ELFN2: variants seen among roughly 807,000 people sequenced by gnomAD.
The protein encoded by ELFN2 is extracellular leucine rich repeat and fibronectin type III domain containing 2.
A neutral mutation model predicts 45.5 loss-of-function variants in ELFN2; 17 were observed. The ratio of observed to expected loss-of-function variants is 0.37; its 90% CI spans 0.26 to 0.56. The LOEUF (loss-of-function observed/expected upper bound fraction) is 0.56, where lower values mean the gene tolerates loss of function less well. Among genes scored for constraint, ELFN2 ranks in the 20% least tolerant of loss-of-function variants. The pLI is 0.77. For missense variants in ELFN2, 922 were observed against 1,183.2 expected (o/e 0.78, Z 3.24); for synonymous variants, 550 against 551.5 (o/e 1.00, Z 0.04).
chr22:37,406,009 A>C (rs1402331372), intron 2 of ELFN2, among the ~76,000 whole-genome samples: 1 of 152,092 alleles, frequency 6.6e-6, no homozygotes, highest in Non-Finnish European at 1.5e-5. Context: ...GGGCATAGTG[A>C]GACGCACCTG....
rs145879270 is a variant in ELFN2 at position 37,378,095 on chromosome 22, C to T, written c.-462-2099G>A. On this transcript the variant is annotated intron_variant, in intron 2 of 2. Transcript: ENST00000402918. ...CCGCATTTGTATGCAGGTGCACACA[C>T]AGGTGGCTCAGAGTGCTGATGCAGG... 1.1e-4 allele frequency among the ~76,000 whole-genome samples: 16 copies of T among 152,354 alleles called. 1 individual carries two copies. The highest frequency in any genetic ancestry group is 3.8e-4 in the African/African-American group (16 of 41,582).
chr22:37,350,514 A>G (rs1226692182), intron 1 of ELFN2, among the ~76,000 whole-genome samples: 2 of 150,130 alleles, frequency 1.3e-5, no homozygotes, highest in African/African-American at 4.9e-5. Context: ...GGCTTTAGAG[A>G]CAGCCGCAGG....
chr22:37,361,942 G>A (rs1030049994), intron 1 of ELFN2, among the ~76,000 whole-genome samples: 1 of 152,152 alleles, frequency 6.6e-6, no homozygotes, highest in Non-Finnish European at 1.5e-5. Flanking sequence ...GGCATGCATA[G>A]AGACTGCCAC....
intron 1 of ELFN2, among the ~76,000 whole-genome samples, chr22:37,422,380 G>T (rs548130457): frequency 9.9e-5 from 15 of 151,620 alleles, no homozygotes; most frequent in Non-Finnish European, 2.9e-5. Context: ...TTAAGAATTC[G>T]TTTTTTTTGT....
chr22:37,374,270 C>T lies in ELFN2; in HGVS notation c.1265G>A (p.Arg422Gln), dbSNP rs372926360. Residue 422 changes from arginine to glutamine, a missense_variant, in exon 3 of 3, where the codon CGG (arginine) becomes CAG (glutamine). Physicochemically the swap from Arg to Gln is conservative, Grantham distance 43 (BLOSUM62 1). Around this residue, in one of 2 missense-constraint regions of ELFN2, gnomAD observed 564 missense variants for 642.8 expected, o/e 0.88. Transcript: ENST00000402918. ...LGAVYYCLRK[R>Q]RMQEEKQKSV... ...CTTCTGCTTCTCCTCCTGCATGCGC[C>T]GCTTGCGCAGGCAGTAGTACACGGC... 3.7e-6 allele frequency: 6 copies of T among 1,613,870 alleles called. No homozygotes were observed. In the African/African-American group the frequency reaches 4.0e-5, roughly 11 times the overall value.
rs116862379 is a variant in ELFN2 at position 37,378,129 on chromosome 22, G to A, written c.-462-2133C>T. On this transcript the variant is annotated intron_variant, in intron 2 of 2. Coordinates refer to ENST00000402918, the MANE Select transcript of ELFN2 (RefSeq NM_052906.5). ...CAGAGTGCTGATGCAGGGGTGTGCT[G>A]ACGTGTACAAGTCAAGGATGGGCGG... Among the ~76,000 whole-genome samples, 352 of 152,362 alleles carry A rather than the reference G, an allele frequency of 2.3e-3. 2 individuals carry two copies. The highest frequency in any genetic ancestry group is 3.7e-3 in the Non-Finnish European group (252 of 68,036).
At chr22:37,404,204 G>T (rs980783721) in intron 2 of ELFN2, among the ~76,000 whole-genome samples, 1 of 152,194 alleles carries the variant, frequency 6.6e-6, no homozygotes, top group African/African-American at 2.4e-5. Flanking sequence ...GGGAGCCAGT[G>T]ACATGCTGGG....
intron 2 of ELFN2, among the ~76,000 whole-genome samples, chr22:37,391,740 G>A (rs967062688): frequency 3.3e-5 from 5 of 152,144 alleles, no homozygotes; most frequent in Admixed American, 6.5e-5. Context: ...AACCCCAAAC[G>A]GCAGACAGAC....
chr22:37,386,396 G>C (rs1235875784), intron 2 of ELFN2, among the ~76,000 whole-genome samples: 1 of 152,172 alleles, frequency 6.6e-6, no homozygotes, highest in Non-Finnish European at 1.5e-5. Flanking sequence ...GCATGGCCCA[G>C]CACCCAGGGT....
intron 1 of ELFN2, among the ~76,000 whole-genome samples, chr22:37,422,488 C>G (rs1028304213): frequency 1.3e-5 from 2 of 151,902 alleles, no homozygotes; most frequent in African/African-American, 4.8e-5. Context: ...GGGAGGATCA[C>G]GAGGTCAGGA....
downstream of ELFN2, among the ~76,000 whole-genome samples, chr22:37,366,793 C>T (rs952935656): frequency 1.3e-5 from 2 of 152,370 alleles, no homozygotes; most frequent in Admixed American, 1.3e-4. Context: ...AAGGAGGGAC[C>T]CTGGCTGGCT....
intron 1 of ELFN2, among the ~76,000 whole-genome samples, chr22:37,351,579 TC>T (rs60840148): frequency 0.084 from 12,493 of 148,646 alleles, 1,700 homozygotes; most frequent in African/African-American, 0.28. Flanking sequence ...TGCTCCAGCG[TC>T]CCCCCCACCC....
intron 1 of ELFN2, chr22:37,342,782 G>A (rs1453417686): frequency 1.3e-5 from 2 of 150,528 alleles, no homozygotes; most frequent in Non-Finnish European, 3.0e-5. Context: ...CAAGAGCTGG[G>A]GAGCAAGGTG....
At chr22:37,397,613 T>A (rs5995424) in intron 2 of ELFN2, among the ~76,000 whole-genome samples, 1 of 152,032 alleles carries the variant, frequency 6.6e-6, no homozygotes, top group South Asian at 2.1e-4. Flanking sequence ...GTCAGCTGAC[T>A]CTGCTGGCCT....
chr22:37,407,112 T>A (rs1483914668), intron 2 of ELFN2, among the ~76,000 whole-genome samples: 1 of 152,146 alleles, frequency 6.6e-6, no homozygotes, highest in Non-Finnish European at 1.5e-5. Context: ...GGTGTGTGCA[T>A]TTGTGTGTGC....
chr22:37,398,232 A>G (rs1428552337), intron 2 of ELFN2, among the ~76,000 whole-genome samples: 1 of 152,068 alleles, frequency 6.6e-6, no homozygotes, highest in African/African-American at 2.4e-5. Context: ...GGGCACATGG[A>G]GGGCCTCACT....
At chr22:37,366,962 G>A (rs889842296), downstream of ELFN2, among the ~76,000 whole-genome samples, 1 of 152,208 alleles carries the variant, frequency 6.6e-6, no homozygotes, top group Non-Finnish European at 1.5e-5. Context: ...AGGCAGGCAG[G>A]GGGGCAGGAA....
rs192214234 is a variant in ELFN2, at chr22:37,347,867, C to T, written n.149-5164G>A. ...CTAAATTCCATCTAGTTCAACCCCT[C>T]TGATATTTGAACCCCTTTACAGTAT... On this transcript the variant is annotated intron_variant and non_coding_transcript_variant, in intron 1 of 2. Coordinates refer to ENST00000452946, the Ensembl canonical transcript of ELFN2. Among the ~76,000 whole-genome samples, 15 of 152,324 alleles carry T rather than the reference C, an allele frequency of 9.8e-5. No homozygotes were observed. In the East Asian group the frequency reaches 2.9e-3, roughly 29 times the overall value.
chr22:37,422,562 G>C (rs530355845), intron 1 of ELFN2, among the ~76,000 whole-genome samples: 5 of 151,502 alleles, frequency 3.3e-5, no homozygotes, highest in African/African-American at 1.2e-4. Context: ...AAAATTAGCC[G>C]GGTGTGGTGG....
Sources: allele counts gnomAD v4.1 joint callset (sites outside exome capture counted in the v4.1 genomes callset), GRCh38; gene constraint gnomAD v4.1.1; regional missense constraint gnomAD v4.1.1; transcripts MANE v1.5; gene names NCBI Gene and HGNC (gene_info 2026-07-23, HGNC 2026-07-21).